PYGB: variants seen among roughly 807,000 people sequenced by gnomAD.
PYGB encodes the protein glycogen phosphorylase, brain form.
Under a neutral mutation model 94.3 loss-of-function variants are expected in PYGB, and 82 were observed. The ratio of observed to expected loss-of-function variants is 0.87; its 90% CI spans 0.73 to 1.04. The LOEUF is 1.04. Ranked by LOEUF, PYGB falls within the 50% of genes least tolerant of loss-of-function variation. The pLI, the probability that PYGB is intolerant of heterozygous loss-of-function variation, is 0.00. For missense variants in PYGB, 1,132 were observed against 1,158.2 expected, an observed-to-expected ratio of 0.98 and a Z score of 0.33; for synonymous variants, 488 against 479.1, an observed-to-expected ratio of 1.02 and a Z score of -0.24.
chr20:25,255,014 C>T (rs2092899209), intron 1 of PYGB, among the ~76,000 whole-genome samples: 1 of 152,188 alleles, frequency 6.6e-6, no homozygotes, highest in Non-Finnish European at 1.5e-5. Flanking sequence ...GAAGGAAATC[C>T]ACGATCCACG....
intron 19 of PYGB, 136 bp from the exon 20 acceptor site, chr20:25,296,234 A>T (rs2088541830): frequency 3.8e-6 from 4 of 1,065,806 alleles, no homozygotes; most frequent in South Asian, 2.9e-5. Flanking sequence ...AAGTGATTGT[A>T]ATGTCCTCCT....
chr20:25,293,912 T>A, intron 17 of PYGB: 1 of 542,424 alleles, frequency 1.8e-6, no homozygotes, highest in Non-Finnish European at 3.3e-6. Flanking sequence ...AGTGATGACA[T>A]TTCTTTAACA....
intron 1 of PYGB, among the ~76,000 whole-genome samples, chr20:25,255,155 G>A (rs1600720274): frequency 6.6e-6 from 1 of 152,224 alleles, no homozygotes; most frequent in Non-Finnish European, 1.5e-5. Flanking sequence ...CCTTACAGCA[G>A]ATACAGTAGT....
chr20:25,277,546 C>A (rs1028753238), intron 7 of PYGB, among the ~76,000 whole-genome samples: 2 of 152,130 alleles, frequency 1.3e-5, no homozygotes, highest in African/African-American at 2.4e-5. Context: ...CTCTTGGCAG[C>A]TCTGTGGTCC....
At position 25,248,210 on chromosome 20, in the gene PYGB, GGAAGCA is replaced by G. The variant is rs754876184; in HGVS notation, c.35_40del (p.Lys12_Gln13del). 6.3e-7 allele frequency: 1 copy of G among 1,592,812 alleles called. No individual in the cohort carries two copies. Among genetic ancestry groups the G allele is most frequent in the African/African-American group, 1.4e-5 (1 of 72,950 alleles). On this transcript the variant is annotated inframe_deletion, in exon 1 of 20. Transcript: ENST00000216962. Reference sequence around the variant, plus strand: ...AAGCCGCTGACGGACAGCGAGAAGCGGAAGCAGATCAGCGTGCGCGGCCTGGCGGGG... The same window carrying G: ...AAGCCGCTGACGGACAGCGAGAAGCGGATCAGCGTGCGCGGCCTGGCGGGG...
intron 16 of PYGB, among the ~76,000 whole-genome samples, chr20:25,291,253 C>T (rs576627204): frequency 2.6e-5 from 4 of 152,322 alleles, no homozygotes; most frequent in Non-Finnish European, 5.9e-5. Flanking sequence ...CTGGGATGTG[C>T]TGCCATGTGC....
intron 9 of PYGB, among the ~76,000 whole-genome samples, 173 bp from the exon 10 acceptor site, chr20:25,280,093 G>A (rs781011545): frequency 2.0e-5 from 3 of 152,366 alleles, no homozygotes; most frequent in East Asian, 3.9e-4. Context: ...TCTGGGCTGC[G>A]TGTCAGGCTT....
In PYGB at chr20:25,297,224, T is replaced by A. The variant is rs1568703838; in HGVS notation, c.*702T>A. The A allele has an allele frequency of 6.6e-6, 1 of 152,444 alleles. No individual in the cohort carries two copies. The highest frequency in any genetic ancestry group is 1.9e-4 in the East Asian group (1 of 5,190). 9.4% of individuals were successfully genotyped at this position (152,444 alleles called of 1,614,324 possible). A position where few individuals can be genotyped will look rare whatever the true frequency, so the allele number is the denominator to read the frequency against. On this transcript the variant is annotated 3_prime_UTR_variant, in exon 20 of 20. Transcript: ENST00000216962. ...GGAGTGGGTGCTTGTGTCTGCTGTC[T>A]CAGAGGCCTTGGTCAGGATGAAGTT...
intron 4 of PYGB, among the ~76,000 whole-genome samples, 169 bp downstream of exon 4, chr20:25,271,655 T>G (rs958455662): frequency 3.9e-5 from 6 of 152,190 alleles, no homozygotes; most frequent in African/African-American, 7.2e-5. Context: ...GGCTTCTTGG[T>G]CCACATGGCC....
intron 4 of PYGB, 81 bp downstream of exon 4, chr20:25,271,567 A>G (rs2123550314): frequency 6.8e-7 from 1 of 1,468,716 alleles, no homozygotes; most frequent in East Asian, 2.3e-5. Context: ...TTGTCTTTTT[A>G]TACTTCCCAC....
intron 3 of PYGB, among the ~76,000 whole-genome samples, chr20:25,271,028 T>C (rs531322880): frequency 2.0e-4 from 31 of 152,278 alleles, no homozygotes; most frequent in African/African-American, 7.5e-4. Context: ...CAGAACAGCC[T>C]GGGTTTCAGT....
chr20:25,263,209 G>T (rs1296991245), intron 2 of PYGB, among the ~76,000 whole-genome samples: 1 of 152,054 alleles, frequency 6.6e-6, no homozygotes, highest in African/African-American at 2.4e-5. Flanking sequence ...TGACCACATA[G>T]TTGGAAGTAA....
chr20:25,274,809 T>C, intron 5 of PYGB, 86 bp downstream of exon 5: 1 of 1,522,916 alleles, frequency 6.6e-7, no homozygotes, highest in South Asian at 1.3e-5. Flanking sequence ...CAGCTTCTTT[T>C]GGCTTGGGGG....
At chr20:25,288,190 A>C in intron 14 of PYGB, 45 of 633,460 alleles carry the variant, frequency 7.1e-5, no homozygotes, top group Non-Finnish European at 1.1e-4. Flanking sequence ...CCAGCGGGGA[A>C]CCTAAGTGCA....
At position 25,280,338 on chromosome 20, in the gene PYGB, CCCGTGT is replaced by C. The variant is rs1262190705; in HGVS notation, c.1168_1173del (p.Val390_Ser391del). On this transcript the variant is annotated inframe_deletion, in exon 10 of 20. Transcript: ENST00000216962. ...GCTGCCTGAGGCCTTGGAGCGCTGGCCCGTGTCCATGTTTGAGAAGCTGCTGCCGCG... is the reference window on the plus strand; with the variant it reads ...GCTGCCTGAGGCCTTGGAGCGCTGGCCCATGTTTGAGAAGCTGCTGCCGCG... 1 of 1,614,068 alleles carries C rather than the reference CCCGTGT, an allele frequency of 6.2e-7. No homozygotes were observed. Among genetic ancestry groups the C allele is most frequent in the East Asian group, 2.2e-5 (1 of 44,876 alleles).
At chr20:25,260,915 G>A (rs1242209427) in intron 2 of PYGB, among the ~76,000 whole-genome samples, 2 of 152,246 alleles carry the variant, frequency 1.3e-5, no homozygotes, top group Non-Finnish European at 2.9e-5. Flanking sequence ...CTGCAAGGCG[G>A]CAGTGAGGCT....
Position 25,280,455 on chromosome 20 carries a change from C to G in PYGB, c.1239+43C>G, listed in dbSNP as rs1044709897. 1.9e-6 allele frequency: 3 copies of G among 1,601,904 alleles called. No homozygotes were observed. In the African/African-American group the frequency reaches 4.0e-5, roughly 21 times the overall value. On this transcript the variant is annotated intron_variant, in intron 10 of 19. Coordinates refer to ENST00000216962, the MANE Select transcript of PYGB (RefSeq NM_002862.4). Reference sequence around the variant, plus strand: ...TGGCCGTGTAGGGTGGCGGCTACACCCATGCCAACGGCCCCCCACCTGGCC... The same window carrying G: ...TGGCCGTGTAGGGTGGCGGCTACACGCATGCCAACGGCCCCCCACCTGGCC...
intron 15 of PYGB, among the ~76,000 whole-genome samples, chr20:25,288,885 G>T (rs560051146): frequency 3.2e-4 from 48 of 152,276 alleles, no homozygotes; most frequent in African/African-American, 1.1e-3. Flanking sequence ...TCCTAGATGT[G>T]CTGTCATCGA....
chr20:25,286,878 CCTT>C (rs1207346134), intron 14 of PYGB, among the ~76,000 whole-genome samples: 1 of 152,230 alleles, frequency 6.6e-6, no homozygotes, highest in Admixed American at 6.5e-5. Flanking sequence ...TGCATGGTTT[CCTT>C]CTTTCCTAGT....
Sources: allele counts gnomAD v4.1 joint callset (sites outside exome capture counted in the v4.1 genomes callset), GRCh38; gene constraint gnomAD v4.1.1; transcripts MANE v1.5; gene names NCBI Gene and HGNC (gene_info 2026-07-23, HGNC 2026-07-21).